The following BNC2 variants were observed in gnomAD, a reference collection of about 807,000 sequenced individuals.
BNC2 encodes the protein basonuclin zinc finger protein 2.
In BNC2, 20 loss-of-function variants were observed where a neutral mutation model predicts 76.3. That is an observed-to-expected ratio of 0.26 (90% CI 0.18 to 0.38). The LOEUF is 0.38. Among genes scored for constraint, BNC2 ranks in the 10% least tolerant of loss-of-function variants. BNC2 has a pLI of 1.00. For synonymous variants in BNC2, 582 were observed against 514.8 expected, an observed-to-expected ratio of 1.13 and a Z score of -1.77; for missense variants, 1,382 against 1,399.8, an observed-to-expected ratio of 0.99 and a Z score of 0.20.
chr9:16,711,525 C>G (rs1045283191), intron 3 of BNC2, among the ~76,000 whole-genome samples: 17 of 152,180 alleles, frequency 1.1e-4, no homozygotes, highest in African/African-American at 3.6e-4. Flanking sequence ...TAGAGAAAGT[C>G]CTTTCAACAA....
rs777475265 is a variant in BNC2 at position 16,676,411 on chromosome 9, A to C, written c.330+51386T>G. On this transcript the variant is annotated intron_variant, in intron 3 of 6. Coordinates refer to ENST00000380672, the MANE Select transcript of BNC2 (RefSeq NM_017637.6). ...GAATTAAAACATTTTGTTTTTCTCTATGTTTTCCTTCTTCTATGAAGCTGC... is the reference window on the plus strand; with the variant it reads ...GAATTAAAACATTTTGTTTTTCTCTCTGTTTTCCTTCTTCTATGAAGCTGC... 7.4e-4 allele frequency among the ~76,000 whole-genome samples: 113 copies of C among 152,334 alleles called. 2 individuals carry two copies. Among genetic ancestry groups the C allele is most frequent in the Admixed American group, 4.3e-3 (66 of 15,304 alleles).
At position 16,427,272 on chromosome 9, in the gene BNC2, T is replaced by C. The variant is rs1421330439; in HGVS notation, c.2640-7623A>G. Reference sequence around the variant, plus strand: ...CTGCAGTCTATTAGTGAAGTTATAATGGCCAACAGGCAGAAGCAAAATTGG... The same window carrying C: ...CTGCAGTCTATTAGTGAAGTTATAACGGCCAACAGGCAGAAGCAAAATTGG... On this transcript the variant is annotated intron_variant, in intron 6 of 6. Coordinates refer to ENST00000380672, the MANE Select transcript of BNC2 (RefSeq NM_017637.6). 2.0e-5 allele frequency among the ~76,000 whole-genome samples: 3 copies of C among 152,336 alleles called. No individual in the cohort carries two copies. In the East Asian group the frequency reaches 5.8e-4, roughly 29 times the overall value.
intron 5 of BNC2, among the ~76,000 whole-genome samples, chr9:16,466,024 T>C (rs1379268356): frequency 2.6e-5 from 3 of 117,266 alleles, no homozygotes; most frequent in Non-Finnish European, 5.1e-5. Flanking sequence ...CAAGCATTCT[T>C]ATACACCAAC....
intron 1 of BNC2, among the ~76,000 whole-genome samples, chr9:16,788,657 A>G (rs1264893089): frequency 6.6e-6 from 1 of 151,978 alleles, no homozygotes; most frequent in Non-Finnish European, 1.5e-5. Context: ...CTTGGTGGTG[A>G]TATGGTAGGA....
chr9:16,826,831 G>C (rs1340912893), intron 1 of BNC2, among the ~76,000 whole-genome samples: 4 of 152,102 alleles, frequency 2.6e-5, no homozygotes, highest in African/African-American at 9.7e-5. Context: ...TAGATGGATG[G>C]ATGGATGATC....
intron 3 of BNC2, among the ~76,000 whole-genome samples, chr9:16,614,653 G>GC (rs1554688732): frequency 6.0e-5 from 2 of 33,558 alleles, no homozygotes; most frequent in Non-Finnish European, 1.5e-4. Context: ...CATGCATGAA[G>GC]TTAAAAAAAA....
At chr9:16,710,801 G>A (rs761539676) in intron 3 of BNC2, among the ~76,000 whole-genome samples, 5 of 152,020 alleles carry the variant, frequency 3.3e-5, no homozygotes, top group Non-Finnish European at 7.4e-5. Context: ...TGACTTGTCA[G>A]TGACATATAA....
chr9:16,645,401 G>C (rs1821595750), intron 3 of BNC2, among the ~76,000 whole-genome samples: 1 of 152,178 alleles, frequency 6.6e-6, no homozygotes, highest in Non-Finnish European at 1.5e-5. Flanking sequence ...GCAGTTAGAG[G>C]CTCCAGTTCA....
chr9:16,449,959 T>C (rs1475201986), intron 5 of BNC2, among the ~76,000 whole-genome samples: 1 of 152,128 alleles, frequency 6.6e-6, no homozygotes, highest in African/African-American at 2.4e-5. Flanking sequence ...CAATTTTAAA[T>C]CAAATTAAAC....
chr9:16,419,450 T>G lies in BNC2; in HGVS notation c.2839A>C (p.Asn947His). 6.2e-7 allele frequency: 1 copy of G among 1,612,896 alleles called. No homozygotes were observed. ...TCTGCCATGCCTCTCCCATACCCGT[T>G]CAGGTGGGAGTCTTCAGTCCCTGCG... ...SPAGTEDSHL[N>H]GYGRGMAEDY... Residue 947 changes from asparagine (N) to histidine (H), a missense_variant, in exon 7 of 7, where the codon AAC becomes CAC. Physicochemically the swap from Asn to His is moderately conservative, Grantham distance 68. Coordinates refer to ENST00000380672, the MANE Select transcript of BNC2 (RefSeq NM_017637.6).
chr9:16,805,821 G>A (rs1210785285), intron 1 of BNC2, among the ~76,000 whole-genome samples: 3 of 152,066 alleles, frequency 2.0e-5, no homozygotes, highest in Non-Finnish European at 4.4e-5. Flanking sequence ...TCACTTAAAT[G>A]TAAAACACAG....
chr9:16,753,223 G>GT (rs1825274089), intron 1 of BNC2, among the ~76,000 whole-genome samples: 4 of 152,174 alleles, frequency 2.6e-5, no homozygotes, highest in Non-Finnish European at 5.9e-5. Context: ...AGATTTTAGA[G>GT]TATATTTTAT....
At chr9:16,781,324 G>A (rs1826148783) in intron 1 of BNC2, among the ~76,000 whole-genome samples, 1 of 151,862 alleles carries the variant, frequency 6.6e-6, no homozygotes, top group Non-Finnish European at 1.5e-5. Flanking sequence ...CAGAAGAAAG[G>A]CTATAACTTT....
At chr9:16,819,578 A>G (rs1024957992) in intron 1 of BNC2, among the ~76,000 whole-genome samples, 2 of 151,868 alleles carry the variant, frequency 1.3e-5, no homozygotes, top group Non-Finnish European at 2.9e-5. Flanking sequence ...AATCACTTCA[A>G]CCCAGGAGGT....
chr9:16,737,273 GAC>G (rs1235618139), intron 2 of BNC2, among the ~76,000 whole-genome samples: 2 of 105,492 alleles, frequency 1.9e-5, no homozygotes, highest in Non-Finnish European at 3.5e-5. Context: ...CTTTTTTTGA[GAC>G]AGTCTCGCTC....
chr9:16,421,882 C>G (rs1252366123), intron 6 of BNC2, among the ~76,000 whole-genome samples: 1 of 152,148 alleles, frequency 6.6e-6, no homozygotes, highest in East Asian at 1.9e-4. Context: ...ATTTTTAACA[C>G]CCTCCCCCTT....
chr9:16,575,799 C>A (rs1819467604), intron 4 of BNC2, among the ~76,000 whole-genome samples: 1 of 152,118 alleles, frequency 6.6e-6, no homozygotes, highest in Non-Finnish European at 1.5e-5. Context: ...CATGGAGAGA[C>A]CAGAATCCAG....
intron 1 of BNC2, among the ~76,000 whole-genome samples, chr9:16,783,797 C>T (rs1240023918): frequency 1.3e-5 from 2 of 152,124 alleles, no homozygotes; most frequent in African/African-American, 2.4e-5. Flanking sequence ...AATCGCAAAG[C>T]TATATTTAAA....
At chr9:16,540,734 G>C (rs941117584) in intron 5 of BNC2, among the ~76,000 whole-genome samples, 1 of 152,164 alleles carries the variant, frequency 6.6e-6, no homozygotes, top group Admixed American at 6.6e-5. Flanking sequence ...TGCAGAGAAG[G>C]CTACAAAGGC....
Sources: gnomAD v4.1 joint callset for allele counts (sites outside exome capture counted in the v4.1 genomes callset) on GRCh38, gnomAD v4.1.1 for gene constraint, MANE v1.5 for transcripts, NCBI Gene and HGNC (gene_info 2026-07-23, HGNC 2026-07-21) for gene names.